Variants in SAXO4 observed in about 807,000 individuals in gnomAD.
The protein encoded by SAXO4 is protein phosphatase 1 regulatory subunit 32.
chr11:61,484,590 G>T, the SAXO4 span: 3 of 1,486,868 alleles, frequency 2.0e-6, no homozygotes, highest in Admixed American at 2.2e-5. Context: ...CCCTCTGGCT[G>T]CTCTGCAGAT....
the SAXO4 span, among the ~76,000 whole-genome samples, chr11:61,487,543 G>A: frequency 0.034 from 5,152 of 152,292 alleles, 304 homozygotes; most frequent in African/African-American, 0.12. Flanking sequence ...AACTACCCCA[G>A]TCAAAGGTGA....
chr11:61,485,272 C>T, the SAXO4 span: 31 of 1,424,094 alleles, frequency 2.2e-5, no homozygotes, highest in East Asian at 4.5e-5. Flanking sequence ...GCCACTCCAC[C>T]GCCGCCACAC....
At chr11:61,486,527 G>T in the SAXO4 span, 3 of 1,614,152 alleles carry the variant, frequency 1.9e-6, no homozygotes, top group Middle Eastern at 1.6e-4. Flanking sequence ...CCTCCAGGGA[G>T]ATGAGTTCCT....
At chr11:61,484,229 C>T in the SAXO4 span, among the ~76,000 whole-genome samples, 2 of 152,040 alleles carry the variant, frequency 1.3e-5, no homozygotes, top group African/African-American at 4.8e-5. Flanking sequence ...GGCAACAGAG[C>T]GAGACTCTGT....
the SAXO4 span, chr11:61,487,256 T>C: frequency 6.2e-7 from 1 of 1,608,334 alleles, no homozygotes. Context: ...GTCCGCTTCC[T>C]GGTCCAAAGC....
At chr11:61,489,576 G>C in the SAXO4 span, 1 of 615,206 alleles carries the variant, frequency 1.6e-6, no homozygotes, top group Non-Finnish European at 2.9e-6. Context: ...ACACTCCAAA[G>C]AGTGTTTCAG....
chr11:61,484,659 C>G, the SAXO4 span: 1 of 1,611,540 alleles, frequency 6.2e-7, no homozygotes, highest in Non-Finnish European at 8.5e-7. Flanking sequence ...GCCGCCCCCT[C>G]ACTTGTAATT....
At chr11:61,482,055 C>G in the SAXO4 span, 1 of 702,020 alleles carries the variant, frequency 1.4e-6, no homozygotes. Context: ...GGGCCCTGCC[C>G]GGCTGCTCCC....
At chr11:61,489,898 C>A in the SAXO4 span, 1 of 1,613,706 alleles carries the variant, frequency 6.2e-7, no homozygotes, top group South Asian at 1.1e-5. Context: ...ATGGAGGCCA[C>A]CCCCAACCCC....
At chr11:61,487,314 C>A in the SAXO4 span, 1 of 1,276,544 alleles carries the variant, frequency 7.8e-7, no homozygotes, top group South Asian at 1.2e-5. Context: ...GTAATGAGCT[C>A]ACAGCCTCGT....
the SAXO4 span, among the ~76,000 whole-genome samples, chr11:61,484,173 GT>G: frequency 6.6e-6 from 1 of 152,238 alleles, no homozygotes; most frequent in Non-Finnish European, 1.5e-5. Flanking sequence ...AACTCAGGAG[GT>G]GGAGTTTGCA....
chr11:61,485,222 T>A, the SAXO4 span: 1 of 856,194 alleles, frequency 1.2e-6, no homozygotes. Flanking sequence ...GGTGCTGTAC[T>A]GGCCCACACA....
At chr11:61,487,846 G>A in the SAXO4 span, among the ~76,000 whole-genome samples, 11 of 152,208 alleles carry the variant, frequency 7.2e-5, no homozygotes, top group Admixed American at 7.2e-4. Flanking sequence ...GCATTCCCTG[G>A]GTTAGGAGTG....
the SAXO4 span, chr11:61,490,803 C>T: frequency 6.8e-6 from 4 of 585,598 alleles, no homozygotes; most frequent in African/African-American, 5.6e-5. Context: ...GCCTCTGCTT[C>T]TCCTCTACAG....
the SAXO4 span, among the ~76,000 whole-genome samples, chr11:61,485,602 C>T: frequency 1.3e-5 from 2 of 152,176 alleles, no homozygotes; most frequent in Non-Finnish European, 2.9e-5. Context: ...TTGGCCGGTG[C>T]ATGCCCTTCC....
the SAXO4 span, chr11:61,489,836 CAT>C: frequency 1.9e-6 from 3 of 1,613,944 alleles, no homozygotes; most frequent in Non-Finnish European, 2.5e-6. Flanking sequence ...CTCGAGGTGG[CAT>C]CCAGCCCCAG....
the SAXO4 span, chr11:61,482,299 C>T: frequency 6.2e-7 from 1 of 1,612,450 alleles, no homozygotes; most frequent in Middle Eastern, 1.7e-4. Flanking sequence ...CTCCCCGTTA[C>T]CCCTCTGGCA....
At chr11:61,485,074 C>T in the SAXO4 span, among the ~76,000 whole-genome samples, 4 of 152,210 alleles carry the variant, frequency 2.6e-5, no homozygotes, top group African/African-American at 7.2e-5. Flanking sequence ...CTCCTGGTCT[C>T]GGTCCCTCTG....
chr11:61,482,586 G>T, the SAXO4 span: 1 of 1,609,380 alleles, frequency 6.2e-7, no homozygotes, highest in Non-Finnish European at 8.5e-7. Context: ...AGGGTGCAGG[G>T]AGGAGGGAAG....
Sources: gnomAD v4.1 joint callset for allele counts (sites outside exome capture counted in the v4.1 genomes callset) on GRCh38, gnomAD v4.1.1 for gene constraint, MANE v1.5 for transcripts, NCBI Gene and HGNC (gene_info 2026-07-23, HGNC 2026-07-21) for gene names.